GANC: variants seen among roughly 807,000 people sequenced by gnomAD.
GANC encodes the protein glucosidase alpha, neutral C, also known as neutral alpha-glucosidase C.
Under a neutral mutation model 124.2 loss-of-function variants are expected in GANC, and 117 were observed. The observed-to-expected ratio is 0.94, with a 90% CI of 0.81 to 1.10. The LOEUF is 1.10. Among genes scored for constraint, GANC ranks in the 50% least tolerant of loss-of-function variants. The probability of loss-of-function intolerance (pLI) is 0.00; values close to 1 mark genes in which losing one functional copy is unlikely to be tolerated. For missense variants in GANC, 1,140 were observed against 1,095.0 expected, an observed-to-expected ratio of 1.04 and a Z score of -0.58; for synonymous variants, 377 against 376.8, an observed-to-expected ratio of 1.00 and a Z score of -0.01.
In GANC at chr15:42,353,247, A is replaced by C; in HGVS notation, c.*1108A>C. The C allele has an allele frequency of 1.0e-6, 1 of 985,972 alleles. No homozygotes were observed. Among genetic ancestry groups the C allele is most frequent in the Non-Finnish European group, 1.2e-6 (1 of 830,056 alleles). The allele number at this position is 985,972 out of a possible 1,614,324, so 61.1% of individuals were successfully genotyped here. A position where few individuals can be genotyped will look rare whatever the true frequency, so the allele number is the denominator to read the frequency against. ...TCGACTCCTCAGCACTCCTCAGCAC[A>C]CACCTCTTCTTATCAGGCTTCCTCC... On this transcript the variant is annotated 3_prime_UTR_variant, in exon 24 of 24. Transcript: ENST00000318010.
chr15:42,307,897 C>T (rs937814992), intron 7 of GANC, among the ~76,000 whole-genome samples: 2 of 151,970 alleles, frequency 1.3e-5, no homozygotes, highest in East Asian at 1.9e-4. Context: ...AGGAAAATTT[C>T]GATTAGGAAA....
chr15:42,310,938 T>C (rs2052044976), intron 10 of GANC, 92 bp downstream of exon 10: 1 of 1,379,646 alleles, frequency 7.2e-7, no homozygotes, highest in Non-Finnish European at 1.0e-6. Context: ...TTGTATACTA[T>C]GTAGAGTTTA....
At chr15:42,302,628 A>G (rs1212241752) in intron 6 of GANC, among the ~76,000 whole-genome samples, 1 of 152,172 alleles carries the variant, frequency 6.6e-6, no homozygotes, top group East Asian at 1.9e-4. Context: ...AGGAATTGCT[A>G]ACTAGAATAA....
At chr15:42,276,834 A>G (rs111894433) in intron 2 of GANC, among the ~76,000 whole-genome samples, 9,120 of 151,702 alleles carry the variant, frequency 0.06, 382 homozygotes, top group South Asian at 0.16. Flanking sequence ...GTATTTTTAT[A>G]TTATTGCTTT....
intron 3 of GANC, chr15:42,281,174 C>A: frequency 1.4e-6 from 1 of 690,920 alleles, no homozygotes; most frequent in South Asian, 1.5e-5. Context: ...TCTGCATGCC[C>A]TGATCTCAGG....
intron 11 of GANC, among the ~76,000 whole-genome samples, chr15:42,323,709 G>A (rs1306459795): frequency 1.3e-5 from 2 of 152,076 alleles, no homozygotes; most frequent in African/African-American, 4.8e-5. Flanking sequence ...CACCATGTTA[G>A]CCAGGCTGGT....
intron 3 of GANC, among the ~76,000 whole-genome samples, chr15:42,280,571 G>A (rs1244336962): frequency 2.0e-5 from 3 of 152,146 alleles, no homozygotes; most frequent in African/African-American, 4.8e-5. Flanking sequence ...TTTAGGCCTT[G>A]ACCAGATGTC....
chr15:42,334,084 T>C (rs190579286), intron 15 of GANC, among the ~76,000 whole-genome samples: 76 of 152,180 alleles, frequency 5.0e-4, no homozygotes, highest in African/African-American at 1.8e-3. Context: ...TCATACCATA[T>C]TCAAAATTAA....
rs1595765994 is a variant in GANC, at chr15:42,292,669, T to C, written c.330-66T>C. The C allele has an allele frequency of 6.9e-6, 10 of 1,451,352 alleles. No individual in the cohort carries two copies. The East Asian group carries it at 2.3e-4, about 33-fold the overall frequency. The allele number at this position is 1,451,352 out of a possible 1,614,324, so 89.9% of individuals were successfully genotyped here. A position where few individuals can be genotyped will look rare whatever the true frequency, so the allele number is the denominator to read the frequency against. On this transcript the variant is annotated intron_variant, in intron 4 of 23. Coordinates refer to ENST00000318010, the MANE Select transcript of GANC (RefSeq NM_198141.3). ...GATTTACTAATTAATTACTTGGAAG[T>C]ACAAATCACATAGGGCCATGTAAAC...
intron 19 of GANC, among the ~76,000 whole-genome samples, chr15:42,345,355 T>G (rs150445483): frequency 6.6e-6 from 1 of 152,314 alleles, no homozygotes; most frequent in African/African-American, 2.4e-5. Flanking sequence ...CTTTGTTGTT[T>G]TTTTTTCTTT....
intron 16 of GANC, among the ~76,000 whole-genome samples, chr15:42,339,234 CA>C (rs2052308623): frequency 6.6e-6 from 1 of 150,610 alleles, no homozygotes; most frequent in Non-Finnish European, 1.5e-5. Flanking sequence ...TGCTTCTCTT[CA>C]GTTCTTTCTG....
chr15:42,328,625 T>G (rs924297237), intron 13 of GANC, among the ~76,000 whole-genome samples: 3 of 151,984 alleles, frequency 2.0e-5, no homozygotes, highest in Admixed American at 1.3e-4. Context: ...GAGGGGAATG[T>G]TATATACAAG....
chr15:42,314,483 G>T, intron 10 of GANC: 1 of 262,450 alleles, frequency 3.8e-6, no homozygotes, highest in South Asian at 4.5e-5. Context: ...GTCCTTGGGT[G>T]GCTGTTTCAC....
intron 14 of GANC, among the ~76,000 whole-genome samples, chr15:42,330,312 G>A (rs913057968): frequency 6.6e-6 from 1 of 152,090 alleles, no homozygotes; most frequent in African/African-American, 2.4e-5. Context: ...TAAATGCCTA[G>A]CAATAGTAAG....
At chr15:42,306,377 GA>G (rs2051995616) in intron 6 of GANC, among the ~76,000 whole-genome samples, 168 bp from the exon 7 acceptor site, 1 of 152,100 alleles carries the variant, frequency 6.6e-6, no homozygotes, top group South Asian at 2.1e-4. Flanking sequence ...CATGTATATA[GA>G]ACACAGATTT....
chr15:42,303,941 AT>A lies in GANC; in HGVS notation c.559-2603del, dbSNP rs748178958. ...ACACCCCATTGTCAATATTAGACAGATTAACGAGACAGAAAATTAACAAGGA... is the reference window on the plus strand; with the variant it reads ...ACACCCCATTGTCAATATTAGACAGATAACGAGACAGAAAATTAACAAGGA... On this transcript the variant is annotated intron_variant, in intron 6 of 23. Coordinates refer to ENST00000318010, the MANE Select transcript of GANC (RefSeq NM_198141.3). 1.8e-3 allele frequency among the ~76,000 whole-genome samples: 274 copies of A among 152,308 alleles called. 2 individuals carry two copies. Among genetic ancestry groups the A allele is most frequent in the Admixed American group, 4.2e-3 (65 of 15,296 alleles).
chr15:42,351,044 G>A (rs146089613), intron 22 of GANC, among the ~76,000 whole-genome samples: 11 of 150,388 alleles, frequency 7.3e-5, no homozygotes, highest in African/African-American at 2.7e-4. Flanking sequence ...GCTAATTTTT[G>A]TATTTTTAGT....
chr15:42,310,844 C>T lies in GANC; in HGVS notation c.1055C>T (p.Thr352Ile), dbSNP rs762015762. ...SDVFKQYSHL[T>I]GTQAMPPLFS... The stretch of plus-strand genomic sequence containing the variant: ...GTCTTCAAACAGTACTCACACCTTA[C>T]AGGTATTTGCACGAAGAAGTGCCAG... The change falls in exon 10 of 24, where the codon ACA (threonine) becomes ATA (isoleucine). Residue 352 changes from threonine (T) to isoleucine (I), a missense_variant and splice_region_variant. Coordinates refer to ENST00000318010, the MANE Select transcript of GANC (RefSeq NM_198141.3). 21 of 1,608,062 alleles carry T rather than the reference C, an allele frequency of 1.3e-5. No homozygotes were observed. The African/African-American group carries it at 2.5e-4, about 19-fold the overall frequency.
rs1041330524 is a variant in GANC at position 42,348,437 on chromosome 15, A to G, written c.2418+221A>G. On this transcript the variant is annotated intron_variant, in intron 21 of 23. Transcript: ENST00000318010. ...AATGACAGAAATGTTCCTCTTGGGCACTGTGAGTGTTGGTGCTCTTCAACT... is the reference window on the plus strand; with the variant it reads ...AATGACAGAAATGTTCCTCTTGGGCGCTGTGAGTGTTGGTGCTCTTCAACT... Among the ~76,000 whole-genome samples, 8 of 152,340 alleles carry G rather than the reference A, an allele frequency of 5.3e-5. No individual in the cohort carries two copies. In the East Asian group the frequency reaches 1.5e-3, roughly 29 times the overall value.
Sources: gnomAD v4.1 joint callset for allele counts (sites outside exome capture counted in the v4.1 genomes callset) on GRCh38, gnomAD v4.1.1 for gene constraint, MANE v1.5 for transcripts, NCBI Gene and HGNC (gene_info 2026-07-23, HGNC 2026-07-21) for gene names.